KCNK10: variants seen among roughly 807,000 people sequenced by gnomAD.
The protein encoded by KCNK10 is potassium channel subfamily K member 10.
A neutral mutation model predicts 47.7 loss-of-function variants in KCNK10; 25 were observed. That is an observed-to-expected ratio of 0.52 (90% CI 0.38 to 0.73). KCNK10 has a LOEUF of 0.73. Ranked by LOEUF, KCNK10 falls within the 30% of genes least tolerant of loss-of-function variation. KCNK10 has a pLI of 0.00. For missense variants in KCNK10, 563 were observed against 714.5 expected (o/e 0.79, Z 2.42); for synonymous variants, 303 against 285.6 (o/e 1.06, Z -0.61).
intron 1 of KCNK10, among the ~76,000 whole-genome samples, chr14:88,318,376 T>C (rs1888472071): frequency 6.6e-6 from 1 of 152,190 alleles, no homozygotes; most frequent in African/African-American, 2.4e-5. Flanking sequence ...ATGCACCTCA[T>C]ATGCTAGTAA....
chr14:88,233,788 A>G (rs1312362324), intron 3 of KCNK10, among the ~76,000 whole-genome samples: 1 of 152,258 alleles, frequency 6.6e-6, no homozygotes, highest in Non-Finnish European at 1.5e-5. Context: ...AAGCTAACAC[A>G]ATAAATACCA....
In KCNK10 at chr14:88,185,573, C is replaced by T. The variant is rs767146528; in HGVS notation, c.1594G>A (p.Glu532Lys). The T allele has an allele frequency of 2.0e-5, 33 of 1,613,992 alleles. No homozygotes were observed. The highest frequency in any genetic ancestry group is 4.0e-5 in the African/African-American group (3 of 75,020). ...TCAAGTAATGAGTTGTTCTCCGGCT[C>T]CCGGTCTTTGGTGTCCGTGGGTATC... ...GMIPTDTKDR[E>K]PENNSLLEDR... The change falls in exon 7 of 7, where the codon GAG (glutamate) becomes AAG (lysine). Residue 532 changes from glutamate (E) to lysine (K), a missense_variant. By Grantham distance (56) the Glu-to-Lys change is moderately conservative. Coordinates refer to ENST00000319231, the MANE Select transcript of KCNK10 (RefSeq NM_138317.3). The surrounding 1 kb of genome is among the most constrained non-coding windows in gnomAD (Gnocchi z 4.3).
At chr14:88,326,190 C>CCCCCCCG (rs79450402), upstream of KCNK10, among the ~76,000 whole-genome samples, 3 of 134,162 alleles carry the variant, frequency 2.2e-5, no homozygotes, top group African/African-American at 5.8e-5. Flanking sequence ...CGCCCCCCCC[C>CCCCCCCG]AAAAAAAAAT....
rs1263407223 is a variant in KCNK10 at position 88,184,571 on chromosome 14, G to A, written c.*964C>T. 2 of 152,330 alleles carry A rather than the reference G, an allele frequency of 1.3e-5. No individual in the cohort carries two copies. Among genetic ancestry groups the A allele is most frequent in the Non-Finnish European group, 2.9e-5 (2 of 68,036 alleles). 9.4% of individuals were successfully genotyped at this position (152,330 alleles called of 1,614,324 possible). A position where few individuals can be genotyped will look rare whatever the true frequency, so the allele number is the denominator to read the frequency against. On this transcript the variant is annotated 3_prime_UTR_variant, in exon 7 of 7. Transcript: ENST00000319231. ...TCAGTGTGTCTCAGAAATGCAGGAT[G>A]TCTACTTTTGTAAAAATGTAGGATC...
chr14:88,321,981 G>T (rs1355069891), intron 1 of KCNK10, among the ~76,000 whole-genome samples: 2 of 152,146 alleles, frequency 1.3e-5, no homozygotes, highest in Admixed American at 1.3e-4. Context: ...GGTGGCCGAC[G>T]CTAGGCACAC....
chr14:88,247,297 C>T (rs1327245015), intron 2 of KCNK10, among the ~76,000 whole-genome samples: 1 of 152,142 alleles, frequency 6.6e-6, no homozygotes, highest in Non-Finnish European at 1.5e-5. Flanking sequence ...GTGCCTTTAC[C>T]TCCCACCCAG....
intron 1 of KCNK10, among the ~76,000 whole-genome samples, chr14:88,279,090 A>G (rs962640470): frequency 2.6e-5 from 4 of 152,184 alleles, no homozygotes; most frequent in Non-Finnish European, 5.9e-5. Flanking sequence ...GTTGTACCAC[A>G]GGTACCAGGG....
At chr14:88,298,151 T>A (rs769228202) in intron 1 of KCNK10, among the ~76,000 whole-genome samples, 21 of 152,150 alleles carry the variant, frequency 1.4e-4, no homozygotes, top group Non-Finnish European at 3.1e-4. Context: ...ATTTTATGTA[T>A]AAAAATGAGT....
rs1448367401 is a variant in KCNK10 at position 88,260,354 on chromosome 14, G to A, written c.402+2848C>T. On this transcript the variant is annotated intron_variant, in intron 2 of 6. Coordinates refer to ENST00000319231, the MANE Select transcript of KCNK10 (RefSeq NM_138317.3). This position sits in a 1 kb window ranked among gnomAD's most constrained non-coding sequence, Gnocchi z 4.5. ...CCTTCGTCTTCTGCCATGATTGTAAGTTTCCTGAAGCCTCCCAAGCCATGC... is the reference window on the plus strand; with the variant it reads ...CCTTCGTCTTCTGCCATGATTGTAAATTTCCTGAAGCCTCCCAAGCCATGC... Among the ~76,000 whole-genome samples the A allele has an allele frequency of 2.0e-5, 3 of 152,188 alleles. No individual in the cohort carries two copies. Among genetic ancestry groups the A allele is most frequent in the African/African-American group, 7.2e-5 (3 of 41,448 alleles).
upstream of KCNK10, among the ~76,000 whole-genome samples, chr14:88,325,621 C>G (rs1888644430): frequency 6.6e-6 from 1 of 152,180 alleles, no homozygotes; most frequent in Non-Finnish European, 1.5e-5. Flanking sequence ...GAATCTGACC[C>G]TGAACCTGTC....
At chr14:88,299,718 G>T (rs573518059) in intron 1 of KCNK10, among the ~76,000 whole-genome samples, 9 of 152,242 alleles carry the variant, frequency 5.9e-5, no homozygotes, top group African/African-American at 1.9e-4. Context: ...TTGGGGTAAG[G>T]CTACATTTAT....
chr14:88,243,923 A>G (rs1248032412), intron 2 of KCNK10, among the ~76,000 whole-genome samples: 1 of 151,698 alleles, frequency 6.6e-6, no homozygotes, highest in Non-Finnish European at 1.5e-5. Flanking sequence ...CCAAATCTTC[A>G]GTAAAATGGC....
chr14:88,317,805 C>T (rs1441972690), intron 1 of KCNK10, among the ~76,000 whole-genome samples: 1 of 152,146 alleles, frequency 6.6e-6, no homozygotes, highest in Non-Finnish European at 1.5e-5. Context: ...AGGTGCTATG[C>T]ACATAAGGTA....
upstream of KCNK10, among the ~76,000 whole-genome samples, chr14:88,325,189 G>A (rs963039606): frequency 4.6e-5 from 7 of 152,240 alleles, no homozygotes; most frequent in Non-Finnish European, 8.8e-5. Context: ...CTCAAGTCCA[G>A]AGGGAGATGC....
chr14:88,212,108 G>GT (rs1410378949), intron 4 of KCNK10, among the ~76,000 whole-genome samples: 9 of 76,632 alleles, frequency 1.2e-4, no homozygotes, highest in African/African-American at 3.8e-4. Context: ...CTGATAGTGA[G>GT]AATATATATA....
At chr14:88,317,318 A>G (rs1008559314) in intron 1 of KCNK10, among the ~76,000 whole-genome samples, 2 of 152,240 alleles carry the variant, frequency 1.3e-5, no homozygotes, top group Non-Finnish European at 2.9e-5. Context: ...TAGCAAGTTG[A>G]AAATGGCCCC....
In KCNK10 at chr14:88,185,685, C is replaced by T; in HGVS notation, c.1482G>A (p.Glu494=). ...YSLDEEKKEE[E]TEKMCNSDNS... is the part of the protein sequence containing the mutation. Reference sequence around the variant, plus strand: ...TGTCTGAGTTACACATCTTTTCCGTCTCCTCCTCTTTCTTCTCCTCGTCCA... The same window carrying T: ...TGTCTGAGTTACACATCTTTTCCGTTTCCTCCTCTTTCTTCTCCTCGTCCA... Residue 494 remains glutamate (E), a synonymous_variant, in exon 7 of 7, where the codon GAG becomes GAA. Coordinates refer to ENST00000319231, the MANE Select transcript of KCNK10 (RefSeq NM_138317.3). The surrounding 1 kb of genome is among the most constrained non-coding windows in gnomAD (Gnocchi z 4.3). The T allele has an allele frequency of 6.2e-7, 1 of 1,614,194 alleles. No homozygotes were observed. The highest frequency in any genetic ancestry group is 1.3e-5 in the African/African-American group (1 of 75,038).
rs540125615 is a variant in KCNK10, at chr14:88,200,577, T to A, written c.682-8167A>T. Among the ~76,000 whole-genome samples, 75 of 152,282 alleles carry A rather than the reference T, an allele frequency of 4.9e-4. 1 individual carries two copies. The highest frequency in any genetic ancestry group is 1.2e-3 in the African/African-American group (48 of 41,552). On this transcript the variant is annotated intron_variant, in intron 4 of 6. Coordinates refer to ENST00000319231, the MANE Select transcript of KCNK10 (RefSeq NM_138317.3). ...GAAGGAAATACAGCTTTATAGAAAG[T>A]CATGCAGAAATAAACCCTACACTGG...
At chr14:88,323,541 G>A (rs977203013), upstream of KCNK10, 1 of 150,842 alleles carries the variant, frequency 6.6e-6, no homozygotes, top group African/African-American at 2.4e-5. Context: ...GCTCGGGGCA[G>A]CGGGAGGCGG....
Sources: allele counts gnomAD v4.1 joint callset (sites outside exome capture counted in the v4.1 genomes callset), GRCh38; gene constraint gnomAD v4.1.1; non-coding constraint Gnocchi (gnomAD v3.1); transcripts MANE v1.5; gene names NCBI Gene and HGNC (gene_info 2026-07-23, HGNC 2026-07-21).